TTC6: variants seen among roughly 807,000 people sequenced by gnomAD.
The protein encoded by TTC6 is tetratricopeptide repeat protein 6.
TTC6 carries 172 observed loss-of-function variants against 210.4 expected under a neutral mutation model. The ratio of observed to expected loss-of-function variants is 0.82; its 90% CI spans 0.72 to 0.93. TTC6 has a LOEUF of 0.93. TTC6 is among the 40% of genes least tolerant of loss of function. The pLI is 0.00. For missense variants in TTC6, 2,414 were observed against 2,318.1 expected (o/e 1.04, Z -0.85); for synonymous variants, 804 against 819.6 (o/e 0.98, Z 0.32).
intron 1 of TTC6, among the ~76,000 whole-genome samples, chr14:37,623,990 G>A (rs1231744887): frequency 6.6e-6 from 1 of 152,176 alleles, no homozygotes; most frequent in East Asian, 1.9e-4. Flanking sequence ...GAAGCAAGAA[G>A]ATTCTATTAC....
At chr14:37,668,181 C>T (rs1339852036) in intron 1 of TTC6, among the ~76,000 whole-genome samples, 1 of 150,058 alleles carries the variant, frequency 6.7e-6, no homozygotes, top group African/African-American at 2.4e-5. Context: ...AGGATATAGT[C>T]GAATTCCAAA....
chr14:37,824,210 T>G (rs1178012645), intron 27 of TTC6, among the ~76,000 whole-genome samples: 1 of 152,132 alleles, frequency 6.6e-6, no homozygotes, highest in Non-Finnish European at 1.5e-5. Context: ...TTCCTTTATG[T>G]CTGCACCCCT....
At chr14:37,682,910 G>T in exon 3 of TTC6, 1 of 1,535,594 alleles carries the variant, frequency 6.5e-7, no homozygotes, top group Non-Finnish European at 8.7e-7. Flanking sequence ...GTAAACCTTT[G>T]GAAGATGGAC....
At chr14:37,639,715 C>CAAAA (rs35837305) in intron 1 of TTC6, among the ~76,000 whole-genome samples, 2 of 74,190 alleles carry the variant, frequency 2.7e-5, no homozygotes, top group Non-Finnish European at 5.3e-5. Context: ...ACAAGAAATA[C>CAAAA]AAAAAAAAAA....
At chr14:37,595,638 C>A (rs961284329), upstream of TTC6, among the ~76,000 whole-genome samples, 8 of 152,090 alleles carry the variant, frequency 5.3e-5, no homozygotes, top group African/African-American at 1.7e-4. Context: ...CGGAGAAGGC[C>A]GGGGGCGGTG....
intron 1 of TTC6, among the ~76,000 whole-genome samples, chr14:37,631,700 A>G (rs2095670239): frequency 1.3e-5 from 2 of 152,204 alleles, no homozygotes; most frequent in Non-Finnish European, 2.9e-5. Context: ...AATATCGTGA[A>G]GAGTGTTTTC....
intron 2 of TTC6, among the ~76,000 whole-genome samples, chr14:37,612,405 A>G (rs1295993550): frequency 6.6e-6 from 1 of 152,244 alleles, no homozygotes. Flanking sequence ...GTAGCTTACT[A>G]TAATAGGTTT....
At chr14:37,780,143 C>T (rs2096050185) in intron 14 of TTC6, among the ~76,000 whole-genome samples, 1 of 151,942 alleles carries the variant, frequency 6.6e-6, no homozygotes, top group Non-Finnish European at 1.5e-5. Context: ...TATATATGCT[C>T]AAAATTAATT....
At chr14:37,678,292 T>C (rs1447628404) in intron 1 of TTC6, among the ~76,000 whole-genome samples, 1 of 152,204 alleles carries the variant, frequency 6.6e-6, no homozygotes, top group Non-Finnish European at 1.5e-5. Flanking sequence ...TTATAATGAA[T>C]GTACCACGTA....
At chr14:37,717,757 A>AAAAGAAAGAAAG (rs531684744) in intron 6 of TTC6, among the ~76,000 whole-genome samples, 4 of 152,036 alleles carry the variant, frequency 2.6e-5, no homozygotes, top group South Asian at 2.1e-4. Flanking sequence ...AAAAAAACAA[A>AAAAGAAAGAAAG]AAAGAAAGAA....
chr14:37,755,101 T>A (rs991611138), intron 14 of TTC6, among the ~76,000 whole-genome samples: 1 of 152,220 alleles, frequency 6.6e-6, no homozygotes, highest in African/African-American at 2.4e-5. Context: ...GCATTCTAAC[T>A]GGCATGAGAT....
chr14:37,736,957 A>T (rs922180214), intron 8 of TTC6, among the ~76,000 whole-genome samples: 1 of 151,962 alleles, frequency 6.6e-6, no homozygotes, highest in East Asian at 1.9e-4. Context: ...GGGTCTCACT[A>T]TGTTGCCCAG....
At chr14:37,801,845 A>G (rs2096107383) in intron 20 of TTC6, among the ~76,000 whole-genome samples, 2 of 152,338 alleles carry the variant, frequency 1.3e-5, no homozygotes, top group South Asian at 2.1e-4. Context: ...CGATTCCTCA[A>G]AGACCTAGAG....
chr14:37,782,078 T>C (rs2096056419), intron 14 of TTC6, among the ~76,000 whole-genome samples: 1 of 152,212 alleles, frequency 6.6e-6, no homozygotes, highest in South Asian at 2.1e-4. Context: ...CCAGCTTTGT[T>C]CTTTTGGCTT....
chr14:37,785,310 T>G (rs2096065052), intron 14 of TTC6, among the ~76,000 whole-genome samples: 1 of 152,220 alleles, frequency 6.6e-6, no homozygotes, highest in Non-Finnish European at 1.5e-5. Context: ...TCTTGGAGGC[T>G]TTGTTTATTT....
At chr14:37,739,176 T>A in intron 10 of TTC6, 21 bp downstream of exon 12, 5 of 1,469,938 alleles carry the variant, frequency 3.4e-6, no homozygotes, top group Non-Finnish European at 4.5e-6. Context: ...AGTGATTTTC[T>A]TATAGTTTAA....
In TTC6 at chr14:37,667,151, C is replaced by T. The variant is rs139489610; in HGVS notation, c.940-13000C>T. On this transcript the variant is annotated intron_variant, in intron 1 of 30. Transcript: ENST00000553443. ...TGTGGGTCCTTAAAATATCACGGGC[C>T]CTAGGCACTGTGCCTACCGAGTCTA... 3.3e-5 allele frequency among the ~76,000 whole-genome samples: 5 copies of T among 149,874 alleles called. No homozygotes were observed. In the East Asian group the frequency reaches 9.7e-4, roughly 29 times the overall value.
exon 15 of TTC6, chr14:37,787,591 C>T (rs1225780031): frequency 1.3e-6 from 2 of 1,521,110 alleles, no homozygotes. Context: ...GTTGCTTATT[C>T]AGAAAGAGTA....
At chr14:37,840,021 AC>A (rs1321923889) in intron 29 of TTC6, among the ~76,000 whole-genome samples, 3 of 151,976 alleles carry the variant, frequency 2.0e-5, no homozygotes, top group Non-Finnish European at 2.9e-5. Context: ...CTGTTTTGGT[AC>A]CAGTACCATG....
Sources: gnomAD v4.1 joint callset for allele counts (sites outside exome capture counted in the v4.1 genomes callset) on GRCh38, gnomAD v4.1.1 for gene constraint, MANE v1.5 for transcripts, NCBI Gene and HGNC (gene_info 2026-07-23, HGNC 2026-07-21) for gene names.